Variants in CABLES1 observed in about 807,000 individuals in gnomAD.
CABLES1 encodes the protein Cdk5 and Abl enzyme substrate 1.
Under a neutral mutation model 57.8 loss-of-function variants are expected in CABLES1, and 36 were observed. The ratio of observed to expected loss-of-function variants is 0.62; its 90% CI spans 0.48 to 0.82. CABLES1 has a LOEUF of 0.82. CABLES1 is among the 40% of genes least tolerant of loss of function. The pLI is 0.00. For missense variants in CABLES1, 767 were observed against 836.6 expected (o/e 0.92, Z 1.03); for synonymous variants, 374 against 363.0 (o/e 1.03, Z -0.35).
chr18:23,256,249 T>C (rs541949105), intron 9 of CABLES1, among the ~76,000 whole-genome samples: 6 of 152,346 alleles, frequency 3.9e-5, no homozygotes, highest in African/African-American at 1.4e-4. Context: ...ATCCCCACCT[T>C]GGTGGTTCTC....
intron 1 of CABLES1, among the ~76,000 whole-genome samples, chr18:23,154,249 G>A (rs967279097): frequency 1.3e-5 from 2 of 152,164 alleles, no homozygotes; most frequent in African/African-American, 4.8e-5. Context: ...ATAATCATGT[G>A]CCGCGGTAAC....
chr18:23,158,119 T>TAA (rs34187186), intron 1 of CABLES1, among the ~76,000 whole-genome samples: 5 of 128,138 alleles, frequency 3.9e-5, no homozygotes, highest in South Asian at 2.6e-4. Context: ...CCATCTCTAT[T>TAA]AAAAAAAAAA....
rs573585318 is a variant in CABLES1 at position 23,186,766 on chromosome 18, A to T, written c.846-2072A>T. Among the ~76,000 whole-genome samples, 29 of 152,162 alleles carry T rather than the reference A, an allele frequency of 1.9e-4. 1 individual carries two copies. In the South Asian group the frequency reaches 6.0e-3, roughly 32 times the overall value. On this transcript the variant is annotated intron_variant, in intron 1 of 9. Transcript: ENST00000256925. ...GACCCCACAGCCTTTGGACCCCAGG[A>T]TTGCAATTTCAGTGTCTGATTCTAG...
intron 2 of CABLES1, among the ~76,000 whole-genome samples, chr18:23,191,147 A>G (rs1341721271): frequency 6.6e-6 from 1 of 152,004 alleles, no homozygotes; most frequent in Non-Finnish European, 1.5e-5. Flanking sequence ...GCTACTCAGG[A>G]GGCTGAGGCG....
chr18:23,235,765 C>A, intron 5 of CABLES1, 130 bp from the exon 6 acceptor site: 1 of 940,196 alleles, frequency 1.1e-6, no homozygotes, highest in South Asian at 1.6e-5. Flanking sequence ...TTTCAGATCT[C>A]ATTGAATTTC....
intron 4 of CABLES1, among the ~76,000 whole-genome samples, chr18:23,230,996 C>T (rs555721604): frequency 5.9e-4 from 89 of 151,882 alleles, no homozygotes; most frequent in Middle Eastern, 3.4e-3. Flanking sequence ...TGGTGCAAGG[C>T]ATGGGTCCCA....
At chr18:23,231,095 T>C (rs2047564379) in intron 4 of CABLES1, among the ~76,000 whole-genome samples, 3 of 152,094 alleles carry the variant, frequency 2.0e-5, no homozygotes, top group South Asian at 4.1e-4. Context: ...AATTTAAACA[T>C]CCCCAGAGGC....
intron 1 of CABLES1, among the ~76,000 whole-genome samples, chr18:23,137,886 G>A (rs908912875): frequency 6.6e-6 from 1 of 152,160 alleles, no homozygotes; most frequent in Non-Finnish European, 1.5e-5. Context: ...ATGAATTAGC[G>A]ACACTGGGCA....
intron 1 of CABLES1, among the ~76,000 whole-genome samples, chr18:23,137,864 A>T (rs2046833591): frequency 6.6e-6 from 1 of 152,180 alleles, no homozygotes; most frequent in Non-Finnish European, 1.5e-5. Context: ...AAGCAGCCTC[A>T]TAAGTGCATG....
intron 3 of CABLES1, among the ~76,000 whole-genome samples, chr18:23,195,482 G>A (rs1319799071): frequency 1.3e-5 from 2 of 152,228 alleles, no homozygotes. Flanking sequence ...GGCCCAGCAT[G>A]ACTGTAAGTC....
intron 1 of CABLES1, among the ~76,000 whole-genome samples, chr18:23,185,608 T>A (rs1314360120): frequency 6.6e-6 from 1 of 152,212 alleles, no homozygotes; most frequent in African/African-American, 2.4e-5. Context: ...TCCCCAGGGC[T>A]CCTTAGGGTA....
intron 4 of CABLES1, 148 bp from the exon 5 acceptor site, chr18:23,234,460 C>G (rs149731742): frequency 6.2e-6 from 4 of 642,632 alleles, no homozygotes; most frequent in African/African-American, 5.5e-5. Flanking sequence ...TGGCAAGCGC[C>G]CGAAGAGGGA....
chr18:23,181,226 G>C (rs2047163401), intron 1 of CABLES1, among the ~76,000 whole-genome samples: 1 of 152,162 alleles, frequency 6.6e-6, no homozygotes, highest in African/African-American at 2.4e-5. Context: ...TGTAATCCCA[G>C]CTCACGCCTG....
chr18:23,144,532 G>T (rs756442060), intron 1 of CABLES1, among the ~76,000 whole-genome samples: 8 of 152,200 alleles, frequency 5.3e-5, no homozygotes, highest in Non-Finnish European at 5.9e-5. Flanking sequence ...ATGGAGTTCT[G>T]AGTACCTCTT....
At chr18:23,167,556 G>A (rs2047051839) in intron 1 of CABLES1, among the ~76,000 whole-genome samples, 1 of 152,142 alleles carries the variant, frequency 6.6e-6, no homozygotes, top group Non-Finnish European at 1.5e-5. Flanking sequence ...GGATTGGGGG[G>A]AGTACCTTGT....
chr18:23,248,647 G>C (rs1913256499), intron 7 of CABLES1, among the ~76,000 whole-genome samples: 1 of 151,156 alleles, frequency 6.6e-6, no homozygotes, highest in Non-Finnish European at 1.5e-5. Context: ...GACCAACATG[G>C]TGAAACCCCA....
intron 4 of CABLES1, among the ~76,000 whole-genome samples, chr18:23,230,671 TTTC>T (rs1364325735): frequency 1.3e-5 from 2 of 152,132 alleles, no homozygotes; most frequent in African/African-American, 2.4e-5. Flanking sequence ...AAATACCTCA[TTTC>T]TTCTTTTTAA....
intron 1 of CABLES1, among the ~76,000 whole-genome samples, chr18:23,165,192 C>G (rs1385217789): frequency 6.6e-6 from 1 of 152,166 alleles, no homozygotes. Context: ...AACTCCTGGA[C>G]TCCAGCAATC....
intron 1 of CABLES1, among the ~76,000 whole-genome samples, chr18:23,153,878 AAAAT>A (rs2046948733): frequency 6.6e-6 from 1 of 152,150 alleles, no homozygotes; most frequent in Non-Finnish European, 1.5e-5. Flanking sequence ...TAAAAATATA[AAAAT>A]TAGCTGAGTG....
Sources: gnomAD v4.1 joint callset for allele counts (sites outside exome capture counted in the v4.1 genomes callset) on GRCh38, gnomAD v4.1.1 for gene constraint, MANE v1.5 for transcripts, NCBI Gene and HGNC (gene_info 2026-07-23, HGNC 2026-07-21) for gene names.